XRN2: variants seen among roughly 807,000 people sequenced by gnomAD.
XRN2 encodes 5'-3' exoribonuclease 2, also known as DHM1-like protein.
In XRN2, 44 loss-of-function variants were observed where a neutral mutation model predicts 138.5. The ratio of observed to expected loss-of-function variants is 0.32; its 90% CI spans 0.25 to 0.41. The LOEUF (loss-of-function observed/expected upper bound fraction) is 0.41, where lower values mean the gene tolerates loss of function less well. XRN2 is among the 10% of genes least tolerant of loss of function. The pLI, the probability that XRN2 is intolerant of heterozygous loss-of-function variation, is 1.00. For missense variants in XRN2, 937 were observed against 1,169.3 expected, an observed-to-expected ratio of 0.80 and a Z score of 2.90; for synonymous variants, 354 against 369.4, an observed-to-expected ratio of 0.96 and a Z score of 0.48.
intron 1 of XRN2, among the ~76,000 whole-genome samples, chr20:21,311,625 T>C (rs560296321): frequency 1.1e-4 from 16 of 152,350 alleles, no homozygotes; most frequent in African/African-American, 3.8e-4. Context: ...GTTTAGCATT[T>C]TGAGGAACCA....
chr20:21,370,901 G>A (rs2038754403), intron 27 of XRN2, among the ~76,000 whole-genome samples: 1 of 152,186 alleles, frequency 6.6e-6, no homozygotes, highest in African/African-American at 2.4e-5. Flanking sequence ...ATGTCTTCAT[G>A]AAGGCTTTGT....
chr20:21,316,399 C>T (rs989458147), intron 1 of XRN2, among the ~76,000 whole-genome samples: 4 of 152,076 alleles, frequency 2.6e-5, no homozygotes, highest in Non-Finnish European at 4.4e-5. Flanking sequence ...ACCTGTTTTT[C>T]GGAAGAGTTT....
intron 27 of XRN2, among the ~76,000 whole-genome samples, chr20:21,370,101 A>G (rs1278562574): frequency 6.6e-6 from 1 of 152,146 alleles, no homozygotes; most frequent in African/African-American, 2.4e-5. Context: ...AGCACCATTT[A>G]TTGAAGAGAC....
At chr20:21,340,985 GA>G in intron 15 of XRN2, 133 bp downstream of exon 15, 1 of 991,196 alleles carries the variant, frequency 1.0e-6, no homozygotes, top group East Asian at 2.6e-5. Context: ...TTTGCCTTGA[GA>G]AATGTTTAGT....
chr20:21,341,557 G>A (rs1431801622), intron 15 of XRN2, among the ~76,000 whole-genome samples: 2 of 152,132 alleles, frequency 1.3e-5, no homozygotes, highest in Non-Finnish European at 2.9e-5. Context: ...CCTTCCTATT[G>A]TAGTGGAAAT....
intron 27 of XRN2, among the ~76,000 whole-genome samples, chr20:21,373,145 G>T (rs1876913040): frequency 6.6e-6 from 1 of 152,082 alleles, no homozygotes; most frequent in Admixed American, 6.6e-5. Context: ...GTGTAGCTGG[G>T]ATTACAGGCA....
chr20:21,339,252 T>C (rs1166622909), intron 14 of XRN2, among the ~76,000 whole-genome samples, 164 bp downstream of exon 14: 2 of 152,172 alleles, frequency 1.3e-5, no homozygotes, highest in Non-Finnish European at 2.9e-5. Context: ...CTGGTGTCGA[T>C]TTAAAGAAGG....
chr20:21,315,916 A>G (rs889028083), intron 1 of XRN2, among the ~76,000 whole-genome samples: 1 of 152,194 alleles, frequency 6.6e-6, no homozygotes, highest in Non-Finnish European at 1.5e-5. Flanking sequence ...CATTCTGTGG[A>G]TTGTCTTTCC....
chr20:21,305,810 A>G lies in XRN2; in HGVS notation c.75+2337A>G, dbSNP rs1341352791. Among the ~76,000 whole-genome samples, 2 of 65,738 alleles carry G rather than the reference A, an allele frequency of 3.0e-5. 1 individual carries two copies. The highest frequency in any genetic ancestry group is 8.3e-5 in the African/African-American group (2 of 24,000). 43.1% of individuals were successfully genotyped at this position (65,738 alleles called of 152,430 possible). A position where few individuals can be genotyped will look rare whatever the true frequency, so the allele number is the denominator to read the frequency against. On this transcript the variant is annotated intron_variant, in intron 1 of 29. Transcript: ENST00000377191. ...TCCCAGGCTGGAGTGCAGTGGCTCA[A>G]TCAATCTCGGCTCACTGCAAGCTCC... is the stretch of plus-strand genomic sequence containing the variant.
intron 13 of XRN2, among the ~76,000 whole-genome samples, chr20:21,337,522 G>A (rs1364407983): frequency 1.3e-5 from 2 of 152,154 alleles, no homozygotes; most frequent in Non-Finnish European, 2.9e-5. Context: ...GCTCTGGTTG[G>A]GGAGTCATCA....
chr20:21,319,288 T>A (rs2038005568), intron 1 of XRN2, among the ~76,000 whole-genome samples: 1 of 152,168 alleles, frequency 6.6e-6, no homozygotes, highest in Admixed American at 6.5e-5. Context: ...CTCAAGTGTA[T>A]CTCCTGTAGA....
intron 27 of XRN2, among the ~76,000 whole-genome samples, chr20:21,374,087 G>T (rs992865286): frequency 6.6e-6 from 1 of 152,060 alleles, no homozygotes; most frequent in Non-Finnish European, 1.5e-5. Context: ...TAATTGATGT[G>T]TTTTGATGTT....
intron 1 of XRN2, among the ~76,000 whole-genome samples, chr20:21,310,902 G>A (rs965723523): frequency 6.6e-6 from 1 of 151,642 alleles, no homozygotes; most frequent in Non-Finnish European, 1.5e-5. Context: ...CCGCCACCAC[G>A]CCCGGCAAAT....
At chr20:21,355,489 A>T (rs2038564830) in intron 21 of XRN2, among the ~76,000 whole-genome samples, 1 of 152,192 alleles carries the variant, frequency 6.6e-6, no homozygotes, top group Non-Finnish European at 1.5e-5. Context: ...GACACTGTAT[A>T]TGTTTCCTTA....
intron 20 of XRN2, 104 bp from the exon 21 acceptor site, chr20:21,354,685 A>G (rs2038554670): frequency 1.9e-6 from 2 of 1,031,070 alleles, no homozygotes; most frequent in Middle Eastern, 2.1e-4. Context: ...ATGTTTTTGT[A>G]TCAGCAAGGA....
chr20:21,376,506 T>A (rs2038824719), intron 27 of XRN2, among the ~76,000 whole-genome samples: 1 of 152,184 alleles, frequency 6.6e-6, no homozygotes, highest in Non-Finnish European at 1.5e-5. Context: ...CTGATTTAAT[T>A]TGGGCACTAG....
At chr20:21,359,015 A>G (rs1302328900) in intron 24 of XRN2, among the ~76,000 whole-genome samples, 1 of 152,108 alleles carries the variant, frequency 6.6e-6, no homozygotes, top group East Asian at 1.9e-4. Flanking sequence ...GTGCTTCTCA[A>G]TTTTTCTGCA....
intron 29 of XRN2, 75 bp downstream of exon 29, chr20:21,387,081 T>C: frequency 4.6e-6 from 7 of 1,524,462 alleles, no homozygotes; most frequent in Non-Finnish European, 6.2e-6. Flanking sequence ...CGTATTTTCT[T>C]ACCAACATTT....
At position 21,365,900 on chromosome 20, in the gene XRN2, A is replaced by G. The variant is rs534700348; in HGVS notation, c.2456+196A>G. Among the ~76,000 whole-genome samples the G allele has an allele frequency of 3.1e-4, 38 of 121,444 alleles. No homozygotes were observed. In the East Asian group the frequency reaches 7.7e-3, roughly 25 times the overall value. 79.7% of individuals were successfully genotyped at this position (121,444 alleles called of 152,430 possible). On this transcript the variant is annotated intron_variant, in intron 26 of 29. Coordinates refer to ENST00000377191, the MANE Select transcript of XRN2 (RefSeq NM_012255.5). ...ATAATATTATATAATATATAATTATATATATAATATATATAATATAATATA... is the reference window on the plus strand; with the variant it reads ...ATAATATTATATAATATATAATTATGTATATAATATATATAATATAATATA...
Sources: gnomAD v4.1 joint callset for allele counts (sites outside exome capture counted in the v4.1 genomes callset) on GRCh38, gnomAD v4.1.1 for gene constraint, MANE v1.5 for transcripts, NCBI Gene and HGNC (gene_info 2026-07-23, HGNC 2026-07-21) for gene names.